Variants in NYAP2 observed in about 807,000 individuals in gnomAD.
NYAP2 encodes neuronal tyrosine-phosphorylated phosphoinositide-3-kinase adapter 2.
A neutral mutation model predicts 50.4 loss-of-function variants in NYAP2; 23 were observed. That is an observed-to-expected ratio of 0.46 (90% confidence interval 0.33 to 0.65). The LOEUF (loss-of-function observed/expected upper bound fraction) is 0.65. Ranked by LOEUF, NYAP2 falls within the 30% of genes least tolerant of loss-of-function variation. The pLI is 0.02. For synonymous variants in NYAP2, 394 were observed against 365.2 expected (o/e 1.08, Z -0.90); for missense variants, 885 against 861.0 (o/e 1.03, Z -0.35).
At chr2:225,525,748 A>G (rs1018298803) in intron 4 of NYAP2, among the ~76,000 whole-genome samples, 1 of 152,220 alleles carries the variant, frequency 6.6e-6, no homozygotes, top group African/African-American at 2.4e-5. Context: ...TGCTGCAGAC[A>G]TTAGCATTCT....
chr2:225,531,906 T>C (rs1691260454), intron 4 of NYAP2, among the ~76,000 whole-genome samples: 3 of 152,374 alleles, frequency 2.0e-5, no homozygotes, highest in Middle Eastern at 6.8e-3. Flanking sequence ...AAACTAATTA[T>C]GGGTTGTCAC....
At chr2:225,579,262 G>A (rs932501580) in intron 4 of NYAP2, among the ~76,000 whole-genome samples, 1 of 152,044 alleles carries the variant, frequency 6.6e-6, no homozygotes, top group African/African-American at 2.4e-5. Flanking sequence ...GAATTTTTTT[G>A]TGGAAGAATG....
intron 3 of NYAP2, among the ~76,000 whole-genome samples, chr2:225,509,770 C>T (rs1690776780): frequency 6.6e-6 from 1 of 152,150 alleles, no homozygotes; most frequent in African/African-American, 2.4e-5. Context: ...TCATTGTTGT[C>T]TCGTCAATTA....
At chr2:225,534,058 A>G (rs1691305288) in intron 4 of NYAP2, among the ~76,000 whole-genome samples, 1 of 152,226 alleles carries the variant, frequency 6.6e-6, no homozygotes, top group African/African-American at 2.4e-5. Flanking sequence ...TGTAAAATTA[A>G]TTGGCACATT....
chr2:225,658,108 T>C (rs933005733), downstream of NYAP2, among the ~76,000 whole-genome samples: 1 of 152,082 alleles, frequency 6.6e-6, no homozygotes, highest in African/African-American at 2.4e-5. Flanking sequence ...CACCACATGA[T>C]GGAAATGGAA....
chr2:225,420,814 G>C (rs1345832472), intron 3 of NYAP2, among the ~76,000 whole-genome samples: 1 of 151,914 alleles, frequency 6.6e-6, no homozygotes, highest in Admixed American at 6.6e-5. Flanking sequence ...ACTTGATACA[G>C]TCATCGTAAC....
At position 225,427,183 on chromosome 2, in the gene NYAP2, A is replaced by C. The variant is rs138912263; in HGVS notation, c.221+18082A>C. 2.1e-3 allele frequency among the ~76,000 whole-genome samples: 317 copies of C among 152,296 alleles called. 1 individual carries two copies. The highest frequency in any genetic ancestry group is 6.9e-3 in the African/African-American group (288 of 41,560). On this transcript the variant is annotated intron_variant, in intron 3 of 6. Transcript: ENST00000636099. ...ATCCATGCAACTCCAAAATAGATGG[A>C]GAAATGTTAGGGAATATTCAGATTG...
intron 3 of NYAP2, among the ~76,000 whole-genome samples, chr2:225,472,674 G>A (rs1191564625): frequency 6.6e-6 from 1 of 152,154 alleles, no homozygotes; most frequent in African/African-American, 2.4e-5. Context: ...TATGTCCAAA[G>A]AGTAATTTTT....
chr2:225,466,007 A>G (rs1689911828), intron 3 of NYAP2, among the ~76,000 whole-genome samples: 1 of 152,168 alleles, frequency 6.6e-6, no homozygotes, highest in Non-Finnish European at 1.5e-5. Flanking sequence ...ACAATTGAAG[A>G]CACCATGCCG....
intron 4 of NYAP2, among the ~76,000 whole-genome samples, chr2:225,550,348 AAGAT>A (rs1359067548): frequency 6.6e-6 from 1 of 152,206 alleles, no homozygotes; most frequent in Non-Finnish European, 1.5e-5. Context: ...ATATTACAAA[AAGAT>A]AGAGTAATCA....
chr2:225,583,655 A>G (rs1232658905), intron 5 of NYAP2, among the ~76,000 whole-genome samples: 1 of 150,136 alleles, frequency 6.7e-6, no homozygotes, highest in African/African-American at 2.4e-5. Context: ...TTAGGTAAAT[A>G]CCTTGTTTTG....
chr2:225,474,137 T>C (rs1349377698), intron 3 of NYAP2, among the ~76,000 whole-genome samples: 1 of 152,226 alleles, frequency 6.6e-6, no homozygotes, highest in Non-Finnish European at 1.5e-5. Flanking sequence ...TGGCATTATT[T>C]CTGAGGGCTC....
intron 5 of NYAP2, among the ~76,000 whole-genome samples, chr2:225,610,097 C>A (rs562028653): frequency 2.6e-5 from 4 of 152,172 alleles, no homozygotes; most frequent in African/African-American, 7.2e-5. Context: ...TCTTCCTACC[C>A]CAAATGAAAT....
intron 5 of NYAP2, among the ~76,000 whole-genome samples, chr2:225,609,611 T>A (rs1055645081): frequency 3.9e-5 from 6 of 152,148 alleles, no homozygotes; most frequent in African/African-American, 1.4e-4. Context: ...CTTGGCTTCA[T>A]GGACTCCTTG....
At chr2:225,679,493 G>GTTTTTTTTTT in the NYAP2 span, among the ~76,000 whole-genome samples, 12 of 103,860 alleles carry the variant, frequency 1.2e-4, no homozygotes, top group Non-Finnish European at 1.5e-4. Flanking sequence ...GCTTCTAATT[G>GTTTTTTTTTT]TTTTTTTTTT....
chr2:225,487,556 C>T (rs1399693886), intron 3 of NYAP2, among the ~76,000 whole-genome samples: 1 of 152,038 alleles, frequency 6.6e-6, no homozygotes, highest in Non-Finnish European at 1.5e-5. Context: ...GACAGGGTTT[C>T]ACCGTGTTGG....
rs745948273 is a variant in NYAP2 at position 225,580,039 on chromosome 2, C to T, written c.524-1902C>T. On this transcript the variant is annotated intron_variant, in intron 4 of 6. Coordinates refer to ENST00000636099, the Ensembl canonical transcript of NYAP2. ...CTCTGCCCTCAAAGAATTCCCTCAA[C>T]CCCAGTCCATTCAATTCCTATAACT... 3.3e-5 allele frequency among the ~76,000 whole-genome samples: 5 copies of T among 152,164 alleles called. No homozygotes were observed. In the South Asian group the frequency reaches 6.2e-4, roughly 19 times the overall value.
At chr2:225,699,890 G>A in the NYAP2 span, 1 of 151,842 alleles carries the variant, frequency 6.6e-6, no homozygotes, top group Non-Finnish European at 1.5e-5. Flanking sequence ...GAATAAAAAA[G>A]AAACTATCGC....
intron 4 of NYAP2, among the ~76,000 whole-genome samples, chr2:225,524,179 C>T (rs1271283105): frequency 6.6e-6 from 1 of 152,176 alleles, no homozygotes; most frequent in Non-Finnish European, 1.5e-5. Flanking sequence ...CTTCCAAAAC[C>T]TCAAAAGTAG....
Sources: allele counts gnomAD v4.1 joint callset (sites outside exome capture counted in the v4.1 genomes callset), GRCh38; gene constraint gnomAD v4.1.1; transcripts MANE v1.5; gene names NCBI Gene and HGNC (gene_info 2026-07-23, HGNC 2026-07-21).